Variants in RARB observed in about 807,000 individuals in gnomAD.
The protein encoded by RARB is retinoic acid receptor beta.
In RARB, 17 loss-of-function variants were observed where a neutral mutation model predicts 51.9. That is an observed-to-expected ratio of 0.33 (90% CI 0.22 to 0.49). The LOEUF (loss-of-function observed/expected upper bound fraction) is 0.49, where lower values mean the gene tolerates loss of function less well. RARB is among the 20% of genes least tolerant of loss of function. The probability of loss-of-function intolerance (pLI) is 0.99; values close to 1 mark genes in which losing one functional copy is unlikely to be tolerated. For missense variants in RARB, 369 were observed against 550.8 expected, an observed-to-expected ratio of 0.67 and a Z score of 3.30; for synonymous variants, 215 against 195.4, an observed-to-expected ratio of 1.10 and a Z score of -0.84.
intron 4 of RARB, among the ~76,000 whole-genome samples, chr3:25,161,857 A>G (rs1167411750): frequency 1.3e-5 from 2 of 152,224 alleles, no homozygotes; most frequent in Non-Finnish European, 2.9e-5. Context: ...GGTGAGGACC[A>G]CGACCTAACC....
chr3:24,980,297 C>T (rs79505542), intron 2 of RARB, among the ~76,000 whole-genome samples: 1 of 152,078 alleles, frequency 6.6e-6, no homozygotes, highest in Non-Finnish European at 1.5e-5. Context: ...TCTGTATTTC[C>T]TGAATTTGAA....
intron 2 of RARB, among the ~76,000 whole-genome samples, chr3:25,019,597 T>G: frequency 6.6e-6 from 1 of 152,204 alleles, no homozygotes; most frequent in East Asian, 1.9e-4. Context: ...ATATCAGGGC[T>G]TTTTATCTGT....
chr3:25,133,911 C>CCTGTTTGA (rs1699992269), intron 4 of RARB, among the ~76,000 whole-genome samples: 2 of 150,052 alleles, frequency 1.3e-5, no homozygotes, highest in Admixed American at 1.3e-4. Flanking sequence ...ATATTACAGT[C>CCTGTTTGA]CTGTTTGAAC....
At chr3:24,866,610 G>C (rs1702852911) in intron 2 of RARB, among the ~76,000 whole-genome samples, 1 of 152,018 alleles carries the variant, frequency 6.6e-6, no homozygotes, top group Non-Finnish European at 1.5e-5. Context: ...TCCCTCACCG[G>C]CCGAGGGGCT....
chr3:25,284,058 T>C (rs1703590063), intron 5 of RARB, among the ~76,000 whole-genome samples: 1 of 152,324 alleles, frequency 6.6e-6, no homozygotes, highest in South Asian at 2.1e-4. Context: ...CTTCCCTTCA[T>C]TCCTCCCTCC....
intron 2 of RARB, among the ~76,000 whole-genome samples, chr3:25,039,859 G>A (rs766657409): frequency 2.4e-4 from 37 of 152,186 alleles, no homozygotes; most frequent in Non-Finnish European, 4.0e-4. Flanking sequence ...AAAATTAGAC[G>A]TGGCCCATGG....
chr3:25,220,047 A>C (rs1701912114), intron 5 of RARB, among the ~76,000 whole-genome samples: 1 of 152,236 alleles, frequency 6.6e-6, no homozygotes, highest in Non-Finnish European at 1.5e-5. Flanking sequence ...ATCTTAAAGA[A>C]TGCATCTATA....
intron 3 of RARB, among the ~76,000 whole-genome samples, chr3:25,545,860 A>C (rs1021774053): frequency 3.9e-5 from 6 of 152,230 alleles, no homozygotes; most frequent in African/African-American, 1.4e-4. Context: ...CCTGGGGCTT[A>C]TATCTTTTGG....
chr3:25,597,497 G>GCCATTAGGGAAATTT lies in RARB; in HGVS notation c.*883_*897dup, dbSNP rs1427408926. ...TAAGTTTTTGTTTACTTGTTCACAA[G>GCCATTAGGGAAATTT]CCATTAGGGAAATTTCATGGGATAA... On this transcript the variant is annotated 3_prime_UTR_variant, in exon 8 of 8. Transcript: ENST00000330688. 4 of 152,648 alleles carry GCCATTAGGGAAATTT rather than the reference G, an allele frequency of 2.6e-5. No individual in the cohort carries two copies. Among genetic ancestry groups the GCCATTAGGGAAATTT allele is most frequent in the African/African-American group, 4.8e-5 (2 of 41,456 alleles). The allele number at this position is 152,648 out of a possible 1,614,324, so 9.5% of individuals were successfully genotyped here.
At chr3:25,485,217 T>C (rs755675441) in intron 2 of RARB, among the ~76,000 whole-genome samples, 3 of 152,254 alleles carry the variant, frequency 2.0e-5, no homozygotes, top group Non-Finnish European at 4.4e-5. Flanking sequence ...CCACCTTATA[T>C]AACTCGTTTG....
chr3:24,938,656 C>T (rs1435716032), intron 2 of RARB, among the ~76,000 whole-genome samples: 2 of 152,112 alleles, frequency 1.3e-5, no homozygotes, highest in East Asian at 3.9e-4. Flanking sequence ...ACAACTATCA[C>T]CACTGTCCAT....
rs564943783 is a variant in RARB, at chr3:25,388,724, G to A, written c.179-72469G>A. 6.6e-5 allele frequency among the ~76,000 whole-genome samples: 10 copies of A among 152,240 alleles called. No individual in the cohort carries two copies. The South Asian group carries it at 1.9e-3, about 28-fold the overall frequency. On this transcript the variant is annotated intron_variant, in intron 5 of 11. Coordinates refer to the RARB transcript ENST00000383772. ...TAAGAAAGTAGTTTAACTGTACAAG[G>A]GAAGCCTGCTGACAAAAGTGAATCG...
At chr3:24,859,675 A>G (rs1702704950) in intron 2 of RARB, among the ~76,000 whole-genome samples, 1 of 152,222 alleles carries the variant, frequency 6.6e-6, no homozygotes, top group South Asian at 2.1e-4. Flanking sequence ...CTGAATTGTA[A>G]GTTTTATATA....
At chr3:24,910,016 T>C (rs2125378516) in intron 2 of RARB, among the ~76,000 whole-genome samples, 1 of 152,320 alleles carries the variant, frequency 6.6e-6, no homozygotes, top group Non-Finnish European at 1.5e-5. Context: ...CCAGAGATTA[T>C]TGAAAAGCTC....
At chr3:25,280,666 C>T (rs751996672) in intron 5 of RARB, among the ~76,000 whole-genome samples, 2 of 152,162 alleles carry the variant, frequency 1.3e-5, no homozygotes, top group African/African-American at 2.4e-5. Context: ...TTATTGAGTT[C>T]TTCAAATTAG....
intron 5 of RARB, among the ~76,000 whole-genome samples, chr3:25,405,674 C>A (rs1011950723): frequency 1.6e-4 from 24 of 152,226 alleles, no homozygotes; most frequent in Admixed American, 1.0e-3. Context: ...ATAAAAAATT[C>A]TGTTGTTCAG....
chr3:25,177,787 T>C (rs1700785948), intron 5 of RARB, among the ~76,000 whole-genome samples: 1 of 152,186 alleles, frequency 6.6e-6, no homozygotes, highest in Non-Finnish European at 1.5e-5. Context: ...CATAAAGTTG[T>C]CCTTGATGCT....
Position 25,550,297 on chromosome 3 carries a change from G to T in RARB, c.449-19461G>T, listed in dbSNP as rs56980974. On this transcript the variant is annotated intron_variant, in intron 3 of 7. Transcript: ENST00000330688. ...TGTGTGTCTGCATCGGCCTGCCTTAGTCTGTTTGGGCTGCTGTAACAAAAA... is the reference window on the plus strand; with the variant it reads ...TGTGTGTCTGCATCGGCCTGCCTTATTCTGTTTGGGCTGCTGTAACAAAAA... Among the ~76,000 whole-genome samples the T allele has an allele frequency of 1.4e-3, 220 of 152,250 alleles. 4 individuals are homozygous for T. In the East Asian group the frequency reaches 0.028, roughly 19 times the overall value.
At chr3:25,125,122 T>A (rs554524196) in intron 3 of RARB, among the ~76,000 whole-genome samples, 1 of 152,154 alleles carries the variant, frequency 6.6e-6, no homozygotes, top group Non-Finnish European at 1.5e-5. Context: ...TCAAAAAATA[T>A]TGATTTTTTT....
Sources: allele counts gnomAD v4.1 joint callset (sites outside exome capture counted in the v4.1 genomes callset), GRCh38; gene constraint gnomAD v4.1.1; transcripts MANE v1.5; gene names NCBI Gene and HGNC (gene_info 2026-07-23, HGNC 2026-07-21).